SHISA9: variants seen among roughly 807,000 people sequenced by gnomAD.
The protein encoded by SHISA9 is shisa family member 9.
In SHISA9, 13 loss-of-function variants were observed where a neutral mutation model predicts 38.0. The observed-to-expected ratio is 0.34, with a 90% CI of 0.22 to 0.54. The LOEUF (loss-of-function observed/expected upper bound fraction) is 0.54, where lower values mean the gene tolerates loss of function less well. Among genes scored for constraint, SHISA9 ranks in the 20% least tolerant of loss-of-function variants. SHISA9 has a pLI of 0.91. For missense variants in SHISA9, 538 were observed against 575.8 expected (o/e 0.93, Z 0.67); for synonymous variants, 275 against 242.0 (o/e 1.14, Z -1.27).
intron 2 of SHISA9, among the ~76,000 whole-genome samples, chr16:12,960,748 C>G (rs752171313): frequency 5.3e-5 from 8 of 152,162 alleles, no homozygotes; most frequent in African/African-American, 9.7e-5. Context: ...CCTCCCCTCA[C>G]CTGTCCTCCC....
chr16:13,416,106 C>A, the SHISA9 span, among the ~76,000 whole-genome samples: 1 of 151,540 alleles, frequency 6.6e-6, no homozygotes, highest in Non-Finnish European at 1.5e-5. Context: ...ACCTATGCAC[C>A]GTTCTGTAGG....
the SHISA9 span, among the ~76,000 whole-genome samples, chr16:13,552,646 A>G: frequency 1.4e-3 from 220 of 152,308 alleles, no homozygotes; most frequent in Middle Eastern, 3.4e-3. Context: ...GCTGCTATTT[A>G]AAGCCAGGTT....
the SHISA9 span, among the ~76,000 whole-genome samples, chr16:13,320,286 C>G: frequency 3.2e-5 from 2 of 61,944 alleles, no homozygotes; most frequent in African/African-American, 1.3e-4. Flanking sequence ...GAGCGAGACT[C>G]TGTCTCAAAA....
chr16:13,469,369 G>GGAA, the SHISA9 span, among the ~76,000 whole-genome samples: 1 of 66,658 alleles, frequency 1.5e-5, no homozygotes, highest in Non-Finnish European at 3.1e-5. Context: ...AAAAGAAAAA[G>GGAA]AAAGAAAGAA....
At chr16:12,947,107 G>T (rs963952802) in intron 2 of SHISA9, among the ~76,000 whole-genome samples, 4 of 152,194 alleles carry the variant, frequency 2.6e-5, no homozygotes, top group African/African-American at 7.2e-5. Flanking sequence ...GTGGTCCCAA[G>T]GTGGGTGTTA....
chr16:13,071,651 C>A (rs1389287738), intron 2 of SHISA9, among the ~76,000 whole-genome samples: 2 of 149,472 alleles, frequency 1.3e-5, no homozygotes, highest in African/African-American at 5.0e-5. Flanking sequence ...TCCTTCCTGT[C>A]TTTCCTTTTT....
the SHISA9 span, chr16:13,562,816 C>G: frequency 1.3e-5 from 2 of 151,816 alleles, no homozygotes; most frequent in Non-Finnish European, 2.9e-5. Context: ...GCACCTAAAA[C>G]AAATTGCCCT....
At chr16:13,373,635 G>A in the SHISA9 span, among the ~76,000 whole-genome samples, 37,661 of 151,792 alleles carry the variant, frequency 0.25, 4,723 homozygotes, top group East Asian at 0.39. Context: ...GGTAGCGGGC[G>A]CCTGTAGTCC....
chr16:13,318,342 A>G, the SHISA9 span, among the ~76,000 whole-genome samples: 3 of 150,876 alleles, frequency 2.0e-5, no homozygotes, highest in East Asian at 5.8e-4. Flanking sequence ...TTTCTTTTTG[A>G]GACAGAGTCT....
the SHISA9 span, among the ~76,000 whole-genome samples, chr16:13,447,044 A>G: frequency 7.3e-5 from 11 of 151,564 alleles, no homozygotes; most frequent in Non-Finnish European, 1.0e-4. Flanking sequence ...TAAAAAAAAA[A>G]AGAGAGAGAG....
At chr16:13,107,472 GACACACACACACACACAC>G (rs34291803) in intron 2 of SHISA9, among the ~76,000 whole-genome samples, 7,768 of 144,422 alleles carry the variant, frequency 0.054, 725 homozygotes, top group African/African-American at 0.19. Flanking sequence ...AAAAACAACA[GACACACACACACACACAC>G]ACACACACAC....
chr16:13,473,108 G>A, the SHISA9 span, among the ~76,000 whole-genome samples: 1 of 152,092 alleles, frequency 6.6e-6, no homozygotes, highest in Admixed American at 6.6e-5. Flanking sequence ...GTCTCTGTAA[G>A]TATTCTTGAG....
intron 2 of SHISA9, among the ~76,000 whole-genome samples, chr16:13,174,062 C>T (rs1229045067): frequency 6.6e-6 from 1 of 152,098 alleles, no homozygotes; most frequent in African/African-American, 2.4e-5. Context: ...CCCATCCCCA[C>T]CCTTCATTCT....
At chr16:13,275,233 A>G in the SHISA9 span, among the ~76,000 whole-genome samples, 2 of 152,088 alleles carry the variant, frequency 1.3e-5, no homozygotes, top group Non-Finnish European at 2.9e-5. Flanking sequence ...TTTTCTTTTT[A>G]GATCTTTTCT....
intron 2 of SHISA9, among the ~76,000 whole-genome samples, chr16:13,145,855 C>G (rs1265386580): frequency 6.6e-6 from 1 of 152,176 alleles, no homozygotes; most frequent in Non-Finnish European, 1.5e-5. Flanking sequence ...CAAAAAAATT[C>G]TGTCTTCATA....
the SHISA9 span, among the ~76,000 whole-genome samples, chr16:13,301,435 C>G: frequency 6.6e-6 from 1 of 152,196 alleles, no homozygotes; most frequent in African/African-American, 2.4e-5. Context: ...CAACACTGCA[C>G]TTGAAATACC....
chr16:13,315,072 C>G, the SHISA9 span, among the ~76,000 whole-genome samples: 1 of 116,084 alleles, frequency 8.6e-6, no homozygotes, highest in African/African-American at 3.0e-5. Context: ...GTGTGTGCAC[C>G]CTTGTCAAAT....
chr16:13,150,217 C>A (rs374494717), intron 2 of SHISA9, among the ~76,000 whole-genome samples: 11 of 151,982 alleles, frequency 7.2e-5, no homozygotes, highest in African/African-American at 2.7e-4. Context: ...TTTGTTCCAC[C>A]TCTTTGTATT....
At chr16:13,178,844 TG>T (rs1255539108) in intron 2 of SHISA9, among the ~76,000 whole-genome samples, 2 of 69,594 alleles carry the variant, frequency 2.9e-5, no homozygotes, top group Non-Finnish European at 5.6e-5. Flanking sequence ...GCCAGGTTTT[TG>T]TTGTTGTTGT....
Sources: allele counts gnomAD v4.1 joint callset (sites outside exome capture counted in the v4.1 genomes callset), GRCh38; gene constraint gnomAD v4.1.1; transcripts MANE v1.5; gene names NCBI Gene and HGNC (gene_info 2026-07-23, HGNC 2026-07-21).